Variants in IKZF2 observed in about 807,000 individuals in gnomAD.
IKZF2 encodes IKAROS family zinc finger 2.
IKZF2 carries 15 observed loss-of-function variants against 49.2 expected under a neutral mutation model. The observed-to-expected ratio is 0.30, with a 90% CI of 0.20 to 0.47. IKZF2 has a LOEUF of 0.47. IKZF2 is among the 20% of genes least tolerant of loss of function. The pLI is 1.00. For synonymous variants in IKZF2, 227 were observed against 221.4 expected (o/e 1.03, Z -0.23); for missense variants, 567 against 664.6 (o/e 0.85, Z 1.61).
rs532190696 is a variant in IKZF2, at chr2:213,041,886, A to G, written c.574+7827T>C. ...TTAAAATAAACTAGGGCAAAATACTAAAACAAACAAACAAACAAACAAAAA... is the reference window on the plus strand; with the variant it reads ...TTAAAATAAACTAGGGCAAAATACTGAAACAAACAAACAAACAAACAAAAA... On this transcript the variant is annotated intron_variant, in intron 6 of 8. Coordinates refer to ENST00000434687, the MANE Select transcript of IKZF2 (RefSeq NM_001387220.1). Among the ~76,000 whole-genome samples, 229 of 152,244 alleles carry G rather than the reference A, an allele frequency of 1.5e-3. 1 individual carries two copies. Among genetic ancestry groups the G allele is most frequent in the African/African-American group, 5.3e-3 (221 of 41,536 alleles).
intron 5 of IKZF2, among the ~76,000 whole-genome samples, chr2:213,055,567 A>T (rs2125373124): frequency 6.6e-6 from 1 of 152,186 alleles, no homozygotes; most frequent in East Asian, 1.9e-4. Context: ...ATAACTTCTC[A>T]CTGTAATTTT....
intron 4 of IKZF2, among the ~76,000 whole-genome samples, chr2:213,109,426 T>C (rs1026270157): frequency 1.3e-5 from 2 of 152,080 alleles, no homozygotes; most frequent in Non-Finnish European, 2.9e-5. Context: ...GAAGATACTA[T>C]ACTAGGTATT....
chr2:213,019,793 C>G (rs7569918), intron 7 of IKZF2, among the ~76,000 whole-genome samples: 2 of 151,948 alleles, frequency 1.3e-5, no homozygotes, highest in South Asian at 4.1e-4. Flanking sequence ...CCTGTGCCTA[C>G]GGAGGGCTAA....
chr2:213,099,364 C>T (rs1028084967), intron 4 of IKZF2, among the ~76,000 whole-genome samples: 1 of 152,150 alleles, frequency 6.6e-6, no homozygotes, highest in Non-Finnish European at 1.5e-5. Flanking sequence ...AATCACATCT[C>T]ATCTGCTTTT....
chr2:213,031,014 C>T (rs34053836), intron 6 of IKZF2, among the ~76,000 whole-genome samples: 4 of 151,828 alleles, frequency 2.6e-5, no homozygotes, highest in Non-Finnish European at 4.4e-5. Context: ...TTAGTAGAGA[C>T]GGGGTTTCAC....
intron 6 of IKZF2, among the ~76,000 whole-genome samples, chr2:213,037,987 A>T (rs916489114): frequency 6.7e-6 from 1 of 149,888 alleles, no homozygotes; most frequent in Admixed American, 6.7e-5. Context: ...CTAAACCAGC[A>T]TAATTTAATT....
chr2:213,150,492 C>T (rs1197382016), intron 1 of IKZF2: 5 of 265,984 alleles, frequency 1.9e-5, no homozygotes, highest in Non-Finnish European at 3.0e-5. Flanking sequence ...TCCTCCTCCT[C>T]CTCCTTCCAC....
At chr2:213,126,507 C>A (rs1456258894) in intron 4 of IKZF2, among the ~76,000 whole-genome samples, 1 of 151,972 alleles carries the variant, frequency 6.6e-6, no homozygotes, top group East Asian at 1.9e-4. Flanking sequence ...CTTTCCTGAC[C>A]ATATAGAGTT....
At chr2:213,023,417 T>C (rs1210517455) in intron 6 of IKZF2, among the ~76,000 whole-genome samples, 1 of 152,214 alleles carries the variant, frequency 6.6e-6, no homozygotes, top group Non-Finnish European at 1.5e-5. Flanking sequence ...TTGTAAACTA[T>C]CATAAAAGTT....
intron 4 of IKZF2, among the ~76,000 whole-genome samples, chr2:213,079,811 G>A (rs1380788132): frequency 6.6e-6 from 1 of 152,038 alleles, no homozygotes; most frequent in Non-Finnish European, 1.5e-5. Flanking sequence ...CATCTAATTA[G>A]TGCCCACTGT....
chr2:213,014,268 C>T (rs1696322061), intron 7 of IKZF2: 1 of 165,772 alleles, frequency 6.0e-6, no homozygotes, highest in African/African-American at 2.4e-5. Context: ...TTTAAGACTG[C>T]ACTATTTTCA....
intron 4 of IKZF2, among the ~76,000 whole-genome samples, chr2:213,070,953 GT>G (rs1158743621): frequency 6.6e-6 from 1 of 152,156 alleles, no homozygotes; most frequent in Admixed American, 6.5e-5. Context: ...AGAGGGAAAA[GT>G]ACTAACATCT....
chr2:213,005,124 TA>T lies in IKZF2; in HGVS notation c.*2235del, dbSNP rs770693428. ...CAGTAAAAGACAAAATTGTGAACCT[TA>T]AAATTATTTACCTCATCCAAAAGGA... On this transcript the variant is annotated 3_prime_UTR_variant, in exon 9 of 9. Coordinates refer to ENST00000434687, the MANE Select transcript of IKZF2 (RefSeq NM_001387220.1). The T allele has an allele frequency of 2.3e-4, 33 of 140,582 alleles. No homozygotes were observed. Among genetic ancestry groups the T allele is most frequent in the Non-Finnish European group, 3.6e-4 (24 of 66,224 alleles). 8.7% of individuals were successfully genotyped at this position (140,582 alleles called of 1,614,324 possible). A position where few individuals can be genotyped will look rare whatever the true frequency, so the allele number is the denominator to read the frequency against.
intron 4 of IKZF2, among the ~76,000 whole-genome samples, chr2:213,126,393 A>G (rs1332644863): frequency 2.6e-5 from 4 of 152,020 alleles, no homozygotes; most frequent in Non-Finnish European, 4.4e-5. Flanking sequence ...GCTTCCCACA[A>G]TGGCATCCTA....
chr2:213,057,758 C>A (rs1171803556), intron 4 of IKZF2, among the ~76,000 whole-genome samples: 1 of 152,136 alleles, frequency 6.6e-6, no homozygotes, highest in African/African-American at 2.4e-5. Context: ...AAAAAATTAC[C>A]TATGGAACAT....
intron 4 of IKZF2, among the ~76,000 whole-genome samples, chr2:213,064,488 C>G (rs996014365): frequency 6.6e-6 from 1 of 152,006 alleles, no homozygotes; most frequent in African/African-American, 2.4e-5. Flanking sequence ...CTCCATGAAA[C>G]CTTGTATAGC....
intron 4 of IKZF2, among the ~76,000 whole-genome samples, chr2:213,061,063 T>C (rs1038102905): frequency 1.3e-5 from 2 of 151,580 alleles, no homozygotes; most frequent in African/African-American, 4.8e-5. Context: ...GAATGTAATC[T>C]TGATGCCATA....
rs1217851118 is a variant in IKZF2, at chr2:213,022,015, A to C, written c.690T>G (p.Ala230=). 26 of 1,613,578 alleles carry C rather than the reference A, an allele frequency of 1.6e-5. No individual in the cohort carries two copies. Among genetic ancestry groups the C allele is most frequent in the Non-Finnish European group, 2.1e-5 (25 of 1,179,738 alleles). ...NYLQNVSMEA[A]GQVMSHHVPP... The stretch of plus-strand genomic sequence containing the variant: ...CACCATGGTGACTCATGACCTGCCC[A>C]GCAGCCTCCATGCTGACATTCTGGA... The change falls in exon 7 of 9, where the codon GCT becomes GCG. Residue 230 remains alanine (A), a synonymous_variant. Coordinates refer to ENST00000434687, the MANE Select transcript of IKZF2 (RefSeq NM_001387220.1).
At chr2:213,135,412 T>G (rs1046656378) in intron 4 of IKZF2, among the ~76,000 whole-genome samples, 1 of 152,114 alleles carries the variant, frequency 6.6e-6, no homozygotes, top group African/African-American at 2.4e-5. Flanking sequence ...CCTAGCCAAG[T>G]GTGGTGGCTC....
Sources: allele counts gnomAD v4.1 joint callset (sites outside exome capture counted in the v4.1 genomes callset), GRCh38; gene constraint gnomAD v4.1.1; transcripts MANE v1.5; gene names NCBI Gene and HGNC (gene_info 2026-07-23, HGNC 2026-07-21).